Variants in SRP9 observed in about 807,000 individuals in gnomAD.
SRP9 encodes signal recognition particle 9.
Under a neutral mutation model 11.7 loss-of-function variants are expected in SRP9, and 2 were observed. That is an observed-to-expected ratio of 0.17 (90% CI 0.07 to 0.54). The LOEUF is 0.54. Among genes scored for constraint, SRP9 ranks in the 20% least tolerant of loss-of-function variants. The pLI, the probability that SRP9 is intolerant of heterozygous loss-of-function variation, is 0.94. For synonymous variants in SRP9, 27 were observed against 35.6 expected, an observed-to-expected ratio of 0.76 and a Z score of 0.86; for missense variants, 54 against 108.1, an observed-to-expected ratio of 0.50 and a Z score of 2.22.
chr1:225,785,414 G>C (rs779787754), intron 2 of SRP9, among the ~76,000 whole-genome samples: 27 of 150,452 alleles, frequency 1.8e-4, no homozygotes, highest in Non-Finnish European at 3.5e-4. Flanking sequence ...ATGGAGTCTC[G>C]CTCTGTCGCC....
rs564184875 is a variant in SRP9 at position 225,789,413 on chromosome 1, T to A, written c.*54T>A. The A allele has an allele frequency of 3.1e-4, 452 of 1,472,442 alleles. 4 individuals carry two copies. Among genetic ancestry groups the A allele is most frequent in the Admixed American group, 1.0e-3 (47 of 45,406 alleles). 91.2% of individuals were successfully genotyped at this position (1,472,442 alleles called of 1,614,324 possible). On this transcript the variant is annotated 3_prime_UTR_variant, in exon 3 of 3. Coordinates refer to ENST00000304786, the MANE Select transcript of SRP9 (RefSeq NM_003133.6). ...ACTTAGGAAGTAAATATCTTTTGAA[T>A]TAGAGAAAGTGTTGGGACAGAAAGT...
chr1:225,787,006 C>A, intron 2 of SRP9: 1 of 348,608 alleles, frequency 2.9e-6, no homozygotes, highest in Non-Finnish European at 5.5e-6. Context: ...CCACACTCAG[C>A]TAATTTTTAA....
At chr1:225,780,487 T>C (rs1370244186) in intron 1 of SRP9, among the ~76,000 whole-genome samples, 1 of 152,236 alleles carries the variant, frequency 6.6e-6, no homozygotes, top group African/African-American at 2.4e-5. Context: ...ACAGGCATTT[T>C]ACATATGTTT....
intron 2 of SRP9, among the ~76,000 whole-genome samples, chr1:225,783,594 T>C (rs1031595319): frequency 1.3e-5 from 2 of 152,240 alleles, no homozygotes; most frequent in Non-Finnish European, 2.9e-5. Context: ...ATAAGTGCTG[T>C]CTTCAGACCT....
chr1:225,786,939 C>A (rs1337125001), intron 2 of SRP9: 1 of 655,866 alleles, frequency 1.5e-6, no homozygotes, highest in East Asian at 6.7e-5. Context: ...ACCTCCTGGG[C>A]TCAAGCGGTC....
chr1:225,780,046 T>C (rs1665762108), intron 1 of SRP9, among the ~76,000 whole-genome samples: 1 of 152,126 alleles, frequency 6.6e-6, no homozygotes, highest in African/African-American at 2.4e-5. Context: ...AGTCAGAAAA[T>C]TGCAGTTGGC....
chr1:225,786,725 C>T, intron 2 of SRP9: 1 of 1,070,566 alleles, frequency 9.3e-7, no homozygotes, highest in Non-Finnish European at 1.2e-6. Context: ...GTCTCAATTT[C>T]CTCATCTGTA....
At position 225,777,918 on chromosome 1, in the gene SRP9, T is replaced by G. The variant is rs577989339; in HGVS notation, c.-23T>G. ...CCGGGTTCTGAGGCCTTGCTTCTCT[T>G]TACTTTTCCACTCTAGGCCACGATG... On this transcript the variant is annotated 5_prime_UTR_variant, in exon 1 of 3. Transcript: ENST00000304786. The G allele has an allele frequency of 6.6e-5, 106 of 1,610,230 alleles. No homozygotes were observed. Among genetic ancestry groups the G allele is most frequent in the Non-Finnish European group, 8.8e-5 (104 of 1,177,236 alleles).
chr1:225,780,452 T>C (rs7548840), intron 1 of SRP9, among the ~76,000 whole-genome samples: 2,400 of 152,286 alleles, frequency 0.016, 60 homozygotes, highest in African/African-American at 0.055. Flanking sequence ...CCATCTTGGC[T>C]CACTGCAACC....
chr1:225,778,042 G>T (rs546202559), intron 1 of SRP9, 30 bp downstream of exon 1: 2 of 1,613,338 alleles, frequency 1.2e-6, no homozygotes, highest in African/African-American at 1.3e-5. Context: ...GCTGCTTTGG[G>T]CCCCAGCCCA....
chr1:225,786,746 G>T, intron 2 of SRP9: 5 of 1,172,658 alleles, frequency 4.3e-6, no homozygotes, highest in Non-Finnish European at 5.4e-6. Context: ...AAGTATCATA[G>T]TGATAGTAAA....
chr1:225,785,977 C>G (rs12045030), intron 2 of SRP9, among the ~76,000 whole-genome samples: 32,280 of 152,208 alleles, frequency 0.21, 3,697 homozygotes, highest in South Asian at 0.35. Context: ...TGATCCACCA[C>G]GCCCAGCCCC....
At chr1:225,785,387 ATTTG>A (rs1049155497) in intron 2 of SRP9, among the ~76,000 whole-genome samples, 4 of 129,794 alleles carry the variant, frequency 3.1e-5, no homozygotes, top group South Asian at 2.4e-4. Context: ...TTTTCTTTTT[ATTTG>A]TTTGTTTGTT....
In SRP9 at chr1:225,786,760, AT is replaced by A. The variant is rs772659941; in HGVS notation, c.142-2479del. ...AAAGTATCATAGTGATAGTAAAAAA[AT>A]ATATGAAAGTATCTAACATGAGTGC... On this transcript the variant is annotated intron_variant, in intron 2 of 2. Coordinates refer to ENST00000304786, the MANE Select transcript of SRP9 (RefSeq NM_003133.6). 5.5e-4 allele frequency: 658 copies of A among 1,193,620 alleles called. 5 individuals are homozygous for A. Among genetic ancestry groups the A allele is most frequent in the Middle Eastern group, 1.5e-3 (4 of 2,620 alleles). 73.9% of individuals were successfully genotyped at this position (1,193,620 alleles called of 1,614,324 possible).
At chr1:225,787,655 C>T (rs551056731) in intron 2 of SRP9, among the ~76,000 whole-genome samples, 2 of 152,268 alleles carry the variant, frequency 1.3e-5, no homozygotes, top group South Asian at 4.1e-4. Flanking sequence ...ATGTTAACTT[C>T]GACTTTTTTA....
intron 1 of SRP9, 58 bp from the exon 2 acceptor site, chr1:225,783,237 CTAAAT>C (rs1347726675): frequency 7.4e-7 from 1 of 1,355,978 alleles, no homozygotes; most frequent in Non-Finnish European, 1.0e-6. Flanking sequence ...TACCTGAAGA[CTAAAT>C]TATTTATAAG....
intron 2 of SRP9, among the ~76,000 whole-genome samples, chr1:225,783,910 C>G (rs1040903571): frequency 6.6e-6 from 1 of 152,026 alleles, no homozygotes; most frequent in Non-Finnish European, 1.5e-5. Context: ...CCCACTCTTT[C>G]ATAGAAATAA....
In SRP9 at chr1:225,778,559, A is replaced by G. The variant is rs369806190; in HGVS notation, c.72+547A>G. 7.2e-5 allele frequency among the ~76,000 whole-genome samples: 11 copies of G among 152,202 alleles called. No individual in the cohort carries two copies. In the East Asian group the frequency reaches 1.3e-3, roughly 19 times the overall value. On this transcript the variant is annotated intron_variant, in intron 1 of 2. Transcript: ENST00000304786. ...GCACCTTTCCTCAGAAAAATGGTAT[A>G]AGTAAATGTATAAGTAAATGTTTGC...
At chr1:225,784,685 CA>C (rs1184049455) in intron 2 of SRP9, among the ~76,000 whole-genome samples, 1 of 151,176 alleles carries the variant, frequency 6.6e-6, no homozygotes, top group African/African-American at 2.4e-5. Flanking sequence ...ACTAAAAATA[CA>C]AAAAAATTAG....
Sources: gnomAD v4.1 joint callset for allele counts (sites outside exome capture counted in the v4.1 genomes callset) on GRCh38, gnomAD v4.1.1 for gene constraint, MANE v1.5 for transcripts, NCBI Gene and HGNC (gene_info 2026-07-23, HGNC 2026-07-21) for gene names.